The following LAMA4 variants were observed in gnomAD, a reference collection of about 807,000 sequenced individuals.
LAMA4 encodes the protein laminin subunit alpha 4.
Under a neutral mutation model 207.1 loss-of-function variants are expected in LAMA4, and 127 were observed. The observed-to-expected ratio is 0.61, with a 90% CI of 0.53 to 0.71. The LOEUF is 0.71. LAMA4 is among the 30% of genes least tolerant of loss of function. The pLI is 0.00. For missense variants in LAMA4, 2,093 were observed against 2,246.5 expected (o/e 0.93, Z 1.38); for synonymous variants, 761 against 816.0 (o/e 0.93, Z 1.15).
At chr6:112,147,863 G>T (rs951474563) in intron 18 of LAMA4, among the ~76,000 whole-genome samples, 1 of 152,100 alleles carries the variant, frequency 6.6e-6, no homozygotes, top group African/African-American at 2.4e-5. Context: ...TTCCCTAAAA[G>T]ATAAGTCTTA....
chr6:112,138,319 T>C (rs1779477540), intron 24 of LAMA4, among the ~76,000 whole-genome samples: 1 of 152,170 alleles, frequency 6.6e-6, no homozygotes, highest in Admixed American at 6.5e-5. Flanking sequence ...GCTAATGATA[T>C]GGTTCTTTCA....
chr6:112,130,038 T>C lies in LAMA4; in HGVS notation c.3971A>G (p.Tyr1324Cys), dbSNP rs1778935620. The C allele has an allele frequency of 5.0e-6, 8 of 1,612,674 alleles. No homozygotes were observed. Among genetic ancestry groups the C allele is most frequent in the Non-Finnish European group, 5.9e-6 (7 of 1,179,224 alleles). Residue 1324 changes from tyrosine to cysteine, a missense_variant and splice_region_variant, in exon 30 of 39, where the codon TAT becomes TGT. Physicochemically the swap from Tyr to Cys is radical, Grantham distance 194. Coordinates refer to ENST00000230538, the MANE Select transcript of LAMA4 (RefSeq NM_001105206.3). ...TCTGCTTTTATCTACTATCAGTTCA[T>C]ATCTGCAAAAGAAAAAGGCTTCTTT... is the stretch of plus-strand genomic sequence containing the variant. ...FVISSVSPTR[Y>C]ELIVDKSRVG...
At chr6:112,249,182 C>T (rs996967911) in intron 2 of LAMA4, among the ~76,000 whole-genome samples, 1 of 152,074 alleles carries the variant, frequency 6.6e-6, no homozygotes, top group Non-Finnish European at 1.5e-5. Context: ...CGGTGGCTCA[C>T]GCCTGTAATC....
At chr6:112,177,470 C>T (rs1395738401) in intron 10 of LAMA4, among the ~76,000 whole-genome samples, 9 of 152,206 alleles carry the variant, frequency 5.9e-5, no homozygotes, top group Non-Finnish European at 1.2e-4. Context: ...CAGATGAAAT[C>T]TGCTGTTTTC....
At chr6:112,190,917 T>C (rs1318600584) in intron 6 of LAMA4, among the ~76,000 whole-genome samples, 1 of 101,236 alleles carries the variant, frequency 9.9e-6, no homozygotes, top group African/African-American at 3.7e-5. Context: ...CTTTCTTTCT[T>C]TCTTTCTTTC....
In LAMA4 at chr6:112,189,118, G is replaced by A; in HGVS notation, c.806C>T (p.Pro269Leu). 6.2e-7 allele frequency: 1 copy of A among 1,608,934 alleles called. No homozygotes were observed. The highest frequency in any genetic ancestry group is 1.1e-5 in the South Asian group (1 of 90,962). ...GFEPPTGMDCPTISCDKCVWD... is the reference protein window; with the variant it reads ...GFEPPTGMDCLTISCDKCVWD... ...TGTACTGTTATTTTTACTTATGGTT[G>A]GGCAGTCCATGCCTGTAGGGGGTTC... Residue 269 changes from proline (P) to leucine (L), a missense_variant, in exon 7 of 39, where the codon CCA (proline) becomes CTA (leucine). By Grantham distance (98) the Pro-to-Leu change is moderately conservative (BLOSUM62 -3). Around this residue, in one of 3 missense-constraint regions of LAMA4, gnomAD observed 1,704 missense variants for 1,788.4 expected, o/e 0.95. Coordinates refer to ENST00000230538, the MANE Select transcript of LAMA4 (RefSeq NM_001105206.3).
chr6:112,130,300 T>TTG lies in LAMA4; in HGVS notation c.3969-262_3969-261dup, dbSNP rs35563593. 24,000 of 379,540 alleles carry TTG rather than the reference T, an allele frequency of 0.063. 292 individuals are homozygous for TTG. Among genetic ancestry groups the TTG allele is most frequent in the Non-Finnish European group, 0.076 (15,311 of 202,686 alleles). The allele number at this position is 379,540 out of a possible 1,614,324, so 23.5% of individuals were successfully genotyped here. A position where few individuals can be genotyped will look rare whatever the true frequency, so the allele number is the denominator to read the frequency against. On this transcript the variant is annotated intron_variant, in intron 29 of 38. Transcript: ENST00000230538. ...AGATGACTAGTCATCAGCATTATTT[T>TTG]TGTGTGTGTGTGTGTGTGTGTGTGT...
chr6:112,149,514 G>A (rs1224251059), intron 17 of LAMA4, among the ~76,000 whole-genome samples: 2 of 152,126 alleles, frequency 1.3e-5, no homozygotes, highest in South Asian at 2.1e-4. Context: ...GGTTTTATAA[G>A]TGTCTGGCAT....
intron 32 of LAMA4, among the ~76,000 whole-genome samples, chr6:112,121,333 C>T (rs1778344555): frequency 6.6e-6 from 1 of 152,202 alleles, no homozygotes; most frequent in Non-Finnish European, 1.5e-5. Flanking sequence ...AGGTTAACTT[C>T]TAGTTTGATT....
chr6:112,207,002 A>G lies in LAMA4; in HGVS notation c.422+19T>C, dbSNP rs374005223. 3 of 1,613,572 alleles carry G rather than the reference A, an allele frequency of 1.9e-6. No homozygotes were observed. The highest frequency in any genetic ancestry group is 2.2e-5 in the East Asian group (1 of 44,868). Reference sequence around the variant, plus strand: ...CATAGACTGATCATTAGAAGAGACCATCCTCCTTTAGGACTTACTTGGCCA... The same window carrying G: ...CATAGACTGATCATTAGAAGAGACCGTCCTCCTTTAGGACTTACTTGGCCA... On this transcript the variant is annotated intron_variant, in intron 4 of 38. Transcript: ENST00000230538.
At chr6:112,228,271 ATT>A (rs1464688977) in intron 2 of LAMA4, among the ~76,000 whole-genome samples, 1 of 152,220 alleles carries the variant, frequency 6.6e-6, no homozygotes, top group African/African-American at 2.4e-5. Context: ...GAACTACGGA[ATT>A]TAGATTATGT....
intron 3 of LAMA4, chr6:112,213,928 T>C: frequency 1.7e-6 from 1 of 601,660 alleles, no homozygotes; most frequent in Non-Finnish European, 3.1e-6. Context: ...TCAGGCAACC[T>C]GCAAGAACTG....
In LAMA4 at chr6:112,133,458, A is replaced by G. The variant is rs1779159993; in HGVS notation, c.3587T>C (p.Ile1196Thr). ...GCCCTTCATGCATCCTCTGAAGTTG[A>G]TATCTAGGGGAAGGTGTGCTCTGAG... ...RALRAHLPLDINFRGCMKGFQ... is the reference protein window; with the variant it reads ...RALRAHLPLDTNFRGCMKGFQ... The change falls in exon 27 of 39, where the codon ATC (isoleucine) becomes ACC (threonine). Residue 1196 changes from isoleucine to threonine, a missense_variant. By Grantham distance (89) the Ile-to-Thr change is moderately conservative. Around this residue, in one of 3 missense-constraint regions of LAMA4, gnomAD observed 1,704 missense variants for 1,788.4 expected, o/e 0.95. Coordinates refer to ENST00000230538, the MANE Select transcript of LAMA4 (RefSeq NM_001105206.3). 2 of 1,613,598 alleles carry G rather than the reference A, an allele frequency of 1.2e-6. No homozygotes were observed. The highest frequency in any genetic ancestry group is 1.3e-5 in the African/African-American group (1 of 74,872).
intron 17 of LAMA4, among the ~76,000 whole-genome samples, chr6:112,149,299 T>C (rs1026594881): frequency 3.3e-5 from 5 of 152,124 alleles, no homozygotes; most frequent in Non-Finnish European, 7.4e-5. Context: ...TCAGGGTTCA[T>C]ATCAGCCTGA....
At position 112,142,875 on chromosome 6, in the gene LAMA4, A is replaced by G. The variant is rs782462106; in HGVS notation, c.2494-583T>C. On this transcript the variant is annotated intron_variant, in intron 19 of 38. Transcript: ENST00000230538. ...TTAACCTTCAGTTTCCTCATCTGTG[A>G]AATGAGGATAATAAATTTGTTGTGA... is the stretch of plus-strand genomic sequence containing the variant. 6.6e-5 allele frequency among the ~76,000 whole-genome samples: 10 copies of G among 152,326 alleles called. No individual in the cohort carries two copies. The South Asian group carries it at 1.0e-3, about 16-fold the overall frequency.
At chr6:112,237,762 G>A (rs1562766394) in intron 2 of LAMA4, among the ~76,000 whole-genome samples, 1 of 152,170 alleles carries the variant, frequency 6.6e-6, no homozygotes, top group Non-Finnish European at 1.5e-5. Flanking sequence ...GAACCTTGGC[G>A]ATGATCCCAG....
chr6:112,203,921 G>T (rs1031442792), intron 4 of LAMA4, among the ~76,000 whole-genome samples: 2 of 152,058 alleles, frequency 1.3e-5, no homozygotes, highest in African/African-American at 2.4e-5. Flanking sequence ...TTTGAACCCT[G>T]GATCCACTTA....
chr6:112,190,947 C>CTTTCTTTTCTTTCTTTCCTTT (rs1491586717), intron 6 of LAMA4, among the ~76,000 whole-genome samples: 4 of 40,472 alleles, frequency 9.9e-5, no homozygotes, highest in African/African-American at 4.4e-4. Flanking sequence ...TTCTTTCTTT[C>CTTTCTTTTCTTTCTTTCCTTT]CTTTCTTTCT....
intron 18 of LAMA4, among the ~76,000 whole-genome samples, chr6:112,145,158 G>A (rs1779944831): frequency 6.6e-6 from 1 of 152,214 alleles, no homozygotes; most frequent in South Asian, 2.1e-4. Context: ...TTAGGGCACA[G>A]GTGCATACTC....
Sources: gnomAD v4.1 joint callset for allele counts (sites outside exome capture counted in the v4.1 genomes callset) on GRCh38, gnomAD v4.1.1 for gene constraint, gnomAD v4.1.1 regional missense constraint, MANE v1.5 for transcripts, NCBI Gene and HGNC (gene_info 2026-07-23, HGNC 2026-07-21) for gene names.